Variants in RBFOX1 observed in about 807,000 individuals in gnomAD.
RBFOX1 encodes the protein RNA binding fox-1 homolog 1.
A neutral mutation model predicts 57.7 loss-of-function variants in RBFOX1; 8 were observed. The observed-to-expected ratio is 0.14, with a 90% CI of 0.08 to 0.25. RBFOX1 has a LOEUF of 0.25. Ranked by LOEUF, RBFOX1 falls within the 10% of genes least tolerant of loss-of-function variation. RBFOX1 has a pLI of 1.00. For synonymous variants in RBFOX1, 326 were observed against 222.4 expected, an observed-to-expected ratio of 1.47 and a Z score of -4.15; for missense variants, 611 against 548.5, an observed-to-expected ratio of 1.11 and a Z score of -1.14.
chr16:7,676,580 C>G (rs748491573), intron 13 of RBFOX1, among the ~76,000 whole-genome samples, 194 bp from the exon 14 acceptor site: 1 of 152,174 alleles, frequency 6.6e-6, no homozygotes, highest in Admixed American at 6.5e-5. Context: ...CCTTTAACAT[C>G]CAGCTGGGGT....
intron 4 of RBFOX1, among the ~76,000 whole-genome samples, chr16:7,146,216 C>G (rs1484233773): frequency 1.3e-5 from 1 of 77,958 alleles, no homozygotes; most frequent in Non-Finnish European, 2.8e-5. Flanking sequence ...TCCCATGATA[C>G]TGGGCCTCAC....
chr16:7,512,992 G>A lies in RBFOX1; in HGVS notation c.28-5155G>A, dbSNP rs556182891. Among the ~76,000 whole-genome samples, 201 of 152,286 alleles carry A rather than the reference G, an allele frequency of 1.3e-3. 5 individuals are homozygous for A. The South Asian group carries it at 0.04, about 30-fold the overall frequency. Reference sequence around the variant, plus strand: ...TTAAAAATGGGAAGTGGACAGGCGCGGTGGCTCATGTCTGTAATCCCAGCA... The same window carrying A: ...TTAAAAATGGGAAGTGGACAGGCGCAGTGGCTCATGTCTGTAATCCCAGCA... On this transcript the variant is annotated intron_variant, in intron 4 of 15. Coordinates refer to ENST00000550418, the MANE Select transcript of RBFOX1 (RefSeq NM_018723.4).
intron 4 of RBFOX1, among the ~76,000 whole-genome samples, chr16:7,347,556 G>T (rs9941105): frequency 2.0e-5 from 3 of 151,798 alleles, no homozygotes; most frequent in Admixed American, 1.3e-4. Context: ...ACAGCCAAAC[G>T]ATATCAAGTG....
In RBFOX1 at chr16:7,118,751, C is replaced by T. The variant is rs141606489; in HGVS notation, c.27+66653C>T. Among the ~76,000 whole-genome samples the T allele has an allele frequency of 3.5e-4, 53 of 152,152 alleles. No individual in the cohort carries two copies. In the East Asian group the frequency reaches 9.5e-3, roughly 27 times the overall value. On this transcript the variant is annotated intron_variant, in intron 4 of 15. Transcript: ENST00000550418. ...ATGGTGAGAAGAATCCTCAAGGATG[C>T]ACACCACAAGAATTTGGTAAAATTG...
At chr16:6,490,309 C>T (rs1051095028) in intron 2 of RBFOX1, among the ~76,000 whole-genome samples, 1 of 152,188 alleles carries the variant, frequency 6.6e-6, no homozygotes, top group Non-Finnish European at 1.5e-5. Context: ...AAAACCAAGA[C>T]AGAAGTAGAG....
intron 4 of RBFOX1, among the ~76,000 whole-genome samples, chr16:7,230,537 G>A (rs565587798): frequency 2.0e-5 from 3 of 152,102 alleles, no homozygotes; most frequent in Admixed American, 6.5e-5. Flanking sequence ...GACAGATTCA[G>A]CCTCCCCAGT....
intron 4 of RBFOX1, among the ~76,000 whole-genome samples, chr16:7,096,852 A>T (rs1329702188): frequency 6.7e-6 from 1 of 148,472 alleles, no homozygotes; most frequent in Non-Finnish European, 1.5e-5. Flanking sequence ...GAATCACTTG[A>T]ACCCGGGAGG....
chr16:7,343,199 G>A (rs553781071), intron 4 of RBFOX1, among the ~76,000 whole-genome samples: 72 of 152,288 alleles, frequency 4.7e-4, no homozygotes, highest in African/African-American at 1.4e-3. Context: ...GTCAGTGCCC[G>A]GTGGCAAGGA....
At chr16:6,557,937 A>G (rs905302112) in intron 2 of RBFOX1, among the ~76,000 whole-genome samples, 3 of 152,190 alleles carry the variant, frequency 2.0e-5, no homozygotes, top group African/African-American at 7.2e-5. Flanking sequence ...GGCATGCCCA[A>G]CTCATCTTAA....
chr16:5,972,148 G>A (rs532802684), intron 4 of RBFOX1, among the ~76,000 whole-genome samples: 2 of 152,030 alleles, frequency 1.3e-5, no homozygotes, highest in East Asian at 3.9e-4. Context: ...GGAACTTCTT[G>A]GTCTCCATAA....
intron 4 of RBFOX1, among the ~76,000 whole-genome samples, chr16:7,432,679 A>T (rs1321553605): frequency 6.6e-6 from 1 of 152,214 alleles, no homozygotes; most frequent in East Asian, 1.9e-4. Flanking sequence ...AACTTTATTT[A>T]CCAAAACAGA....
chr16:7,204,888 T>C (rs1455448271), intron 4 of RBFOX1, among the ~76,000 whole-genome samples: 2 of 152,226 alleles, frequency 1.3e-5, no homozygotes, highest in Non-Finnish European at 2.9e-5. Context: ...TTGACTGTTT[T>C]GGATATATTC....
At position 5,934,202 on chromosome 16, in the gene RBFOX1, A is replaced by G. The variant is rs1311729342; in HGVS notation, c.351+66867A>G. ...GTTTCGTTGGCCTTCCATTTTTCAA[A>G]TCCTGTAGGGAGAAAGGCCCAGATT... is the stretch of plus-strand genomic sequence containing the variant. On this transcript the variant is annotated intron_variant, in intron 4 of 19. Coordinates refer to the RBFOX1 transcript ENST00000641259. 2.0e-5 allele frequency among the ~76,000 whole-genome samples: 3 copies of G among 152,186 alleles called. No individual in the cohort carries two copies. In the East Asian group the frequency reaches 5.8e-4, roughly 29 times the overall value.
intron 4 of RBFOX1, among the ~76,000 whole-genome samples, chr16:7,516,037 G>A (rs2076282984): frequency 6.6e-6 from 1 of 152,150 alleles, no homozygotes; most frequent in Non-Finnish European, 1.5e-5. Flanking sequence ...TAGAGGCAGG[G>A]TTTCACCATG....
At chr16:5,396,153 A>G (rs1346462423) in intron 1 of RBFOX1, among the ~76,000 whole-genome samples, 5 of 152,180 alleles carry the variant, frequency 3.3e-5, no homozygotes, top group Non-Finnish European at 5.9e-5. Context: ...TAACTAACTC[A>G]ATGGGCATAT....
chr16:6,062,838 A>G (rs1295399248), intron 1 of RBFOX1, among the ~76,000 whole-genome samples: 1 of 152,098 alleles, frequency 6.6e-6, no homozygotes, highest in African/African-American at 2.4e-5. Flanking sequence ...GCAGATTAGC[A>G]GGCTGGAAAT....
intron 4 of RBFOX1, 61 bp from the exon 5 acceptor site, chr16:7,518,086 G>T: frequency 1.3e-6 from 2 of 1,555,580 alleles, no homozygotes; most frequent in Non-Finnish European, 1.7e-6. Context: ...TGGGAGGAAG[G>T]TTTCTGCATG....
intron 4 of RBFOX1, among the ~76,000 whole-genome samples, chr16:7,168,729 A>G (rs1045813741): frequency 6.6e-6 from 1 of 152,192 alleles, no homozygotes; most frequent in African/African-American, 2.4e-5. Context: ...TTCAGTCCCT[A>G]AAAATATCCA....
chr16:6,626,391 T>G (rs1369948167), intron 2 of RBFOX1, among the ~76,000 whole-genome samples: 6 of 152,150 alleles, frequency 3.9e-5, no homozygotes, highest in Non-Finnish European at 8.8e-5. Context: ...GGAGGGCTGA[T>G]TCATCATTCT....
Sources: gnomAD v4.1 joint callset for allele counts (sites outside exome capture counted in the v4.1 genomes callset) on GRCh38, gnomAD v4.1.1 for gene constraint, MANE v1.5 for transcripts, NCBI Gene and HGNC (gene_info 2026-07-23, HGNC 2026-07-21) for gene names.